The following PSG8 variants were observed in gnomAD, a reference collection of about 807,000 sequenced individuals.
PSG8 encodes pregnancy specific beta-1-glycoprotein 8.
In PSG8, 57 loss-of-function variants were observed where a neutral mutation model predicts 42.5. The ratio of observed to expected loss-of-function variants is 1.34; its 90% CI spans 1.08 to 1.67. PSG8 has a LOEUF of 1.67. Ranked by LOEUF, PSG8 falls within the 40% of genes most tolerant of loss-of-function variation. The pLI is 0.00. For missense variants in PSG8, 783 were observed against 518.6 expected, an observed-to-expected ratio of 1.51 and a Z score of -4.95; for synonymous variants, 280 against 196.8, an observed-to-expected ratio of 1.42 and a Z score of -3.54.
chr19:42,759,253 T>C (rs1970012247), intron 2 of PSG8, among the ~76,000 whole-genome samples: 1 of 152,124 alleles, frequency 6.6e-6, no homozygotes, highest in Non-Finnish European at 1.5e-5. Flanking sequence ...ATTTGACTAC[T>C]CTATGTACCT....
chr19:42,754,146 A>C (rs1471999757), downstream of PSG8: 2 of 1,421,374 alleles, frequency 1.4e-6, no homozygotes, highest in African/African-American at 1.4e-5. Flanking sequence ...TTTTATGAAG[A>C]TATCAGCCTG....
At chr19:42,763,753 A>T in intron 2 of PSG8, 163 bp downstream of exon 2, 1 of 1,365,398 alleles carries the variant, frequency 7.3e-7, no homozygotes, top group Non-Finnish European at 1.0e-6. Context: ...GATCTGTTGA[A>T]ATTTGTCTCC....
intron 1 of PSG8, 97 bp downstream of exon 1, chr19:42,765,421 G>C (rs1970192675): frequency 2.6e-6 from 4 of 1,559,754 alleles, no homozygotes; most frequent in Middle Eastern, 2.0e-4. Context: ...CAAAGTGCTG[G>C]CTTCTTTCAT....
intron 3 of PSG8, 48 bp from the exon 4 acceptor site, chr19:42,755,314 C>T: frequency 1.9e-6 from 3 of 1,589,904 alleles, no homozygotes; most frequent in Non-Finnish European, 2.6e-6. Context: ...ACCTTTGATT[C>T]CTCCACAGGC....
chr19:42,765,635 GC>G lies in PSG8; in HGVS notation c.-55del. 6.3e-7 allele frequency: 1 copy of G among 1,595,444 alleles called. No individual in the cohort carries two copies. Among genetic ancestry groups the G allele is most frequent in the East Asian group, 2.2e-5 (1 of 44,768 alleles). On this transcript the variant is annotated 5_prime_UTR_variant, in exon 1 of 5. Transcript: ENST00000306511. ...GTGGAGATGAGCCTAGGATCCAGAA[GC>G]TTCCTGAGCACAGCTCTCAGCAGTG...
At chr19:42,753,958 G>A (rs751800467), downstream of PSG8, 254 of 597,074 alleles carry the variant, frequency 4.3e-4, 2 homozygotes, top group Admixed American at 9.8e-4. Flanking sequence ...CTGCGGTATA[G>A]TTTATTGAAC....
intron 2 of PSG8, among the ~76,000 whole-genome samples, chr19:42,759,746 CATT>C (rs1447472919): frequency 6.6e-6 from 1 of 152,096 alleles, no homozygotes; most frequent in African/African-American, 2.4e-5. Flanking sequence ...TTGGAGGAAA[CATT>C]AAAATGTTTT....
chr19:42,754,576 G>T lies in PSG8; in HGVS notation c.1000C>A (p.Leu334Ile), dbSNP rs138526624. 85 of 1,612,190 alleles carry T rather than the reference G, an allele frequency of 5.3e-5. No individual in the cohort carries two copies. The highest frequency in any genetic ancestry group is 6.9e-5 in the Non-Finnish European group (81 of 1,178,724). The change falls in exon 5 of 5, where the codon CTC becomes ATC. Residue 334 changes from leucine to isoleucine, a missense_variant. Physicochemically the swap from Leu to Ile is conservative, Grantham distance 5. Transcript: ENST00000306511. ...GTGAATGAAGGGTAAATTCTGGGGA[G>T]GTCTGGACCATCTGGAGCAAAGAGA... ...VTLNVLYGPDLPRIYPSFTYY... is the reference protein window; with the variant it reads ...VTLNVLYGPDIPRIYPSFTYY...
chr19:42,762,007 C>T (rs1391149066), intron 2 of PSG8, among the ~76,000 whole-genome samples: 1 of 151,880 alleles, frequency 6.6e-6, no homozygotes, highest in Non-Finnish European at 1.5e-5. Context: ...GACCTGGGGA[C>T]ATTGGCTCGA....
chr19:42,756,111 A>T (rs1357117540), intron 3 of PSG8: 2 of 152,204 alleles, frequency 1.3e-5, no homozygotes, highest in Non-Finnish European at 2.9e-5. Context: ...AAAGGGTGGG[A>T]AGGATCTGCT....
At position 42,755,018 on chromosome 19, in the gene PSG8, G is replaced by A. The variant is rs200167716; in HGVS notation, c.958C>T (p.Arg320Cys). The change falls in exon 4 of 5, where the codon CGC becomes TGC. Residue 320 changes from arginine (R) to cysteine (C), a missense_variant. Arg to Cys is a radical substitution (Grantham distance 180, BLOSUM62 -3). Coordinates refer to ENST00000306511, the MANE Select transcript of PSG8 (RefSeq NM_182707.3). ...ACATTCAGGGTGACTGGGTAACTGC[G>A]GATGCCACCATATTGGTCCCTTATT... ...CEIRDQYGGI[R>C]SYPVTLNVLY... 4.3e-5 allele frequency: 69 copies of A among 1,613,262 alleles called. No individual in the cohort carries two copies. The highest frequency in any genetic ancestry group is 1.7e-4 in the Middle Eastern group (1 of 5,720).
chr19:42,761,820 ATTTTTTTTTT>A (rs58868359), intron 2 of PSG8, among the ~76,000 whole-genome samples: 4,393 of 69,924 alleles, frequency 0.063, 18 homozygotes, highest in South Asian at 0.14. Context: ...CATTTCAATA[ATTTTTTTTTT>A]TTTTTTTTTT....
At chr19:42,759,815 A>C (rs2122259846) in intron 2 of PSG8, among the ~76,000 whole-genome samples, 1 of 152,314 alleles carries the variant, frequency 6.6e-6, no homozygotes, top group South Asian at 2.1e-4. Context: ...TGCTGGTAGT[A>C]GTATTTCTCT....
At chr19:42,754,941 T>C in intron 4 of PSG8, 47 bp downstream of exon 4, 1 of 1,575,648 alleles carries the variant, frequency 6.3e-7, no homozygotes. Context: ...CTGGTCGTTT[T>C]GATTTAAGCT....
rs767156163 is a variant in PSG8 at position 42,764,077 on chromosome 19, A to G, written c.269T>C (p.Ile90Thr). The G allele has an allele frequency of 1.5e-5, 25 of 1,613,638 alleles. No homozygotes were observed. The highest frequency in any genetic ancestry group is 1.3e-4 in the East Asian group (6 of 44,872). ...TSYVVDGQII[I>T]YGPAYSGRET... ...TCGTCCACTGTATGCAGGCCCATAT[A>G]TAATTATTTGACCGTCTACTACATA... The change falls in exon 2 of 5, where the codon ATA becomes ACA. Residue 90 changes from isoleucine (I) to threonine (T), a missense_variant. Coordinates refer to ENST00000306511, the MANE Select transcript of PSG8 (RefSeq NM_182707.3).
chr19:42,758,349 C>T (rs1969986663), intron 2 of PSG8, 69 bp from the exon 3 acceptor site: 1 of 1,564,818 alleles, frequency 6.4e-7, no homozygotes, highest in Non-Finnish European at 8.6e-7. Context: ...ATTTTTCAAT[C>T]AGAGTTGGCA....
At chr19:42,754,022 A>C (rs1163566281), downstream of PSG8, 1 of 879,790 alleles carries the variant, frequency 1.1e-6, no homozygotes, top group Admixed American at 2.8e-5. Flanking sequence ...TGTAGAAAAC[A>C]AACCATTTAA....
chr19:42,753,771 C>T (rs1187769115), downstream of PSG8, among the ~76,000 whole-genome samples: 3 of 152,134 alleles, frequency 2.0e-5, no homozygotes, highest in African/African-American at 4.8e-5. Flanking sequence ...CCAGTCAAAG[C>T]CTTGGTAATA....
Position 42,765,542 on chromosome 19 carries a change from T to C in PSG8, c.40A>G (p.Thr14Ala), listed in dbSNP as rs1422500289. The C allele has an allele frequency of 2.5e-6, 4 of 1,611,200 alleles. No individual in the cohort carries two copies. The African/African-American group carries it at 5.4e-5, about 22-fold the overall frequency. Residue 14 changes from threonine (T) to alanine (A), a missense_variant, in exon 1 of 5, where the codon ACC becomes GCC. Coordinates refer to ENST00000306511, the MANE Select transcript of PSG8 (RefSeq NM_182707.3). ...CCTGTGAGCAGGAGCCCCTTCCAGGTGATGCGCTGTGTGCAGGGAGGGGCT... is the reference window on the plus strand; with the variant it reads ...CCTGTGAGCAGGAGCCCCTTCCAGGCGATGCGCTGTGTGCAGGGAGGGGCT... The part of the protein sequence containing the change: ...LSAPPCTQRI[T>A]WKGLLLTASL...
Sources: gnomAD v4.1 joint callset for allele counts (sites outside exome capture counted in the v4.1 genomes callset) on GRCh38, gnomAD v4.1.1 for gene constraint, MANE v1.5 for transcripts, NCBI Gene and HGNC (gene_info 2026-07-23, HGNC 2026-07-21) for gene names.